The following MYO18B variants were observed in gnomAD, a reference collection of about 807,000 sequenced individuals.
MYO18B encodes unconventional myosin-XVIIIb.
In MYO18B, 204 loss-of-function variants were observed where a neutral mutation model predicts 273.0. That is an observed-to-expected ratio of 0.75 (90% CI 0.67 to 0.84). The LOEUF is 0.84. MYO18B is among the 40% of genes least tolerant of loss of function. The pLI is 0.00. For missense variants in MYO18B, 3,212 were observed against 3,287.6 expected (o/e 0.98, Z 0.56); for synonymous variants, 1,330 against 1,305.7 (o/e 1.02, Z -0.40).
At chr22:26,005,931 G>T (rs1246165060) in intron 42 of MYO18B, among the ~76,000 whole-genome samples, 1 of 152,172 alleles carries the variant, frequency 6.6e-6, no homozygotes, top group African/African-American at 2.4e-5. Flanking sequence ...TCCAAGAATG[G>T]GTTGCTTCTG....
intron 10 of MYO18B, among the ~76,000 whole-genome samples, chr22:25,784,053 C>T (rs1225276983): frequency 3.9e-5 from 6 of 152,234 alleles, no homozygotes; most frequent in Non-Finnish European, 8.8e-5. Flanking sequence ...CAAAACCCTA[C>T]TCCAGATCCC....
intron 21 of MYO18B, among the ~76,000 whole-genome samples, chr22:25,867,689 G>T (rs1198993670): frequency 6.6e-6 from 1 of 152,038 alleles, no homozygotes; most frequent in Non-Finnish European, 1.5e-5. Flanking sequence ...GAGTGCAGTG[G>T]TGCAGTCTCG....
At chr22:25,990,950 G>A (rs1211056491) in intron 39 of MYO18B, among the ~76,000 whole-genome samples, 2 of 151,956 alleles carry the variant, frequency 1.3e-5, no homozygotes, top group African/African-American at 2.4e-5. Context: ...CTATAACCCC[G>A]CTTTGCCCCA....
chr22:25,870,328 GGGT>G (rs1280196948), intron 22 of MYO18B, among the ~76,000 whole-genome samples: 5 of 152,206 alleles, frequency 3.3e-5, no homozygotes, highest in African/African-American at 9.6e-5. Context: ...CCACGCACCT[GGGT>G]TAGATGGCAC....
chr22:25,879,829 T>C (rs2091291431), intron 25 of MYO18B, among the ~76,000 whole-genome samples: 1 of 152,144 alleles, frequency 6.6e-6, no homozygotes, highest in South Asian at 2.1e-4. Flanking sequence ...TGGTGGATTG[T>C]TAAGGGGAAG....
intron 21 of MYO18B, 44 bp downstream of exon 21, chr22:25,851,623 A>T: frequency 1.5e-6 from 2 of 1,368,772 alleles, no homozygotes; most frequent in South Asian, 2.5e-5. Flanking sequence ...CTAGATATGG[A>T]TATGTTGGTT....
At chr22:25,830,785 C>G (rs996204985) in intron 15 of MYO18B, among the ~76,000 whole-genome samples, 1 of 152,138 alleles carries the variant, frequency 6.6e-6, no homozygotes, top group Non-Finnish European at 1.5e-5. Flanking sequence ...GGCTCCACTT[C>G]TTGATGGAGG....
intron 4 of MYO18B, 97 bp downstream of exon 4, chr22:25,769,525 G>A: frequency 8.4e-7 from 1 of 1,192,294 alleles, no homozygotes; most frequent in East Asian, 2.6e-5. Flanking sequence ...GACAAGGGGT[G>A]GACGGGGGGT....
intron 33 of MYO18B, among the ~76,000 whole-genome samples, chr22:25,914,597 G>A (rs575636188): frequency 7.2e-5 from 10 of 138,570 alleles, no homozygotes; most frequent in South Asian, 2.4e-4. Flanking sequence ...CTTCCTGAAC[G>A]TTTATTATCT....
At position 25,768,777 on chromosome 22, in the gene MYO18B, A is replaced by T. The variant is rs780825944; in HGVS notation, c.861A>T (p.Ala287=). 3 of 1,609,012 alleles carry T rather than the reference A, an allele frequency of 1.9e-6. No homozygotes were observed. Among genetic ancestry groups the T allele is most frequent in the Non-Finnish European group, 2.5e-6 (3 of 1,177,544 alleles). The part of the protein sequence containing the change: ...VRPGKAEKEG[A]EPTNTVEKGN... ...CAGGGAAAGCAGAGAAGGAGGGAGC[A>T]GAGCCCACAAACACGGTGGAAAAGG... The change falls in exon 4 of 44, where the codon GCA becomes GCT. Residue 287 remains alanine (A), a synonymous_variant. Coordinates refer to ENST00000335473, the MANE Select transcript of MYO18B (RefSeq NM_032608.7).
chr22:25,846,435 G>A (rs2090248886), intron 19 of MYO18B, among the ~76,000 whole-genome samples, 152 bp downstream of exon 19: 1 of 152,218 alleles, frequency 6.6e-6, no homozygotes, highest in South Asian at 2.1e-4. Context: ...GAGGAAATGG[G>A]GGCTCCCAGC....
intron 40 of MYO18B, among the ~76,000 whole-genome samples, chr22:25,998,933 T>C (rs544416271): frequency 6.6e-6 from 1 of 152,310 alleles, no homozygotes; most frequent in South Asian, 2.1e-4. Flanking sequence ...ATCCAGCTAG[T>C]AGGATTCACA....
intron 1 of MYO18B, among the ~76,000 whole-genome samples, chr22:25,757,039 C>T (rs899481301): frequency 6.6e-6 from 1 of 152,022 alleles, no homozygotes; most frequent in African/African-American, 2.4e-5. Flanking sequence ...CCGACTTGGG[C>T]AACAGAGCAG....
chr22:25,847,911 T>A (rs1252018423), intron 20 of MYO18B, among the ~76,000 whole-genome samples: 1 of 150,598 alleles, frequency 6.6e-6, no homozygotes, highest in Non-Finnish European at 1.5e-5. Context: ...GCCCACTGTT[T>A]TTTTTTTTCT....
intron 39 of MYO18B, among the ~76,000 whole-genome samples, chr22:25,967,975 C>T (rs1009683841): frequency 6.6e-6 from 1 of 152,200 alleles, no homozygotes; most frequent in Non-Finnish European, 1.5e-5. Flanking sequence ...CTCATCCCCA[C>T]AGTCAGTTTT....
chr22:25,886,988 A>G (rs982485693), intron 25 of MYO18B, among the ~76,000 whole-genome samples: 13 of 152,254 alleles, frequency 8.5e-5, no homozygotes, highest in Admixed American at 8.5e-4. Flanking sequence ...CAGCATTTCA[A>G]GAGTGTGAGC....
At chr22:25,791,335 G>T (rs59000656) in intron 11 of MYO18B, among the ~76,000 whole-genome samples, 2,817 of 152,312 alleles carry the variant, frequency 0.018, 75 homozygotes, top group African/African-American at 0.059. Context: ...CTGATGCAAA[G>T]GTAAACATGA....
At chr22:25,753,387 C>CTGTAAAACGGACCAGTCAGCTCTT (rs1256764354) in intron 1 of MYO18B, among the ~76,000 whole-genome samples, 2 of 152,214 alleles carry the variant, frequency 1.3e-5, no homozygotes, top group Non-Finnish European at 2.9e-5. Context: ...AGTCAGCTCT[C>CTGTAAAACGGACCAGTCAGCTCTT]TGTAAAACGG....
chr22:25,786,028 G>C (rs1010563404), intron 11 of MYO18B, among the ~76,000 whole-genome samples: 1 of 152,166 alleles, frequency 6.6e-6, no homozygotes, highest in Admixed American at 6.5e-5. Flanking sequence ...TGAGAGTTAG[G>C]TATTTCATTG....
Sources: allele counts gnomAD v4.1 joint callset (sites outside exome capture counted in the v4.1 genomes callset), GRCh38; gene constraint gnomAD v4.1.1; transcripts MANE v1.5; gene names NCBI Gene and HGNC (gene_info 2026-07-23, HGNC 2026-07-21).